Variants in PRKD1 observed in about 807,000 individuals in gnomAD.
The protein encoded by PRKD1 is protein kinase D1, also known as serine/threonine-protein kinase D1.
PRKD1 carries 63 observed loss-of-function variants against 95.9 expected under a neutral mutation model. The ratio of observed to expected loss-of-function variants is 0.66; its 90% CI spans 0.54 to 0.81. The LOEUF (loss-of-function observed/expected upper bound fraction) is 0.81. PRKD1 is among the 30% of genes least tolerant of loss of function. The probability of loss-of-function intolerance (pLI) is 0.00; values close to 1 mark genes in which losing one functional copy is unlikely to be tolerated. For missense variants in PRKD1, 1,048 were observed against 1,165.3 expected (o/e 0.90, Z 1.47); for synonymous variants, 425 against 423.1 (o/e 1.00, Z -0.05).
At chr14:29,913,950 T>A (rs8012958) in intron 1 of PRKD1, among the ~76,000 whole-genome samples, 2 of 152,174 alleles carry the variant, frequency 1.3e-5, no homozygotes, top group East Asian at 1.9e-4. Context: ...AAAAGAGAAG[T>A]CTCTATGTAA....
At chr14:29,758,855 T>C (rs1887835061) in intron 1 of PRKD1, among the ~76,000 whole-genome samples, 2 of 152,216 alleles carry the variant, frequency 1.3e-5, no homozygotes, top group African/African-American at 4.8e-5. Context: ...CCTCAGTCTA[T>C]CACACTTCAA....
chr14:29,864,601 C>A (rs1022454716), intron 1 of PRKD1, among the ~76,000 whole-genome samples: 1 of 152,100 alleles, frequency 6.6e-6, no homozygotes, highest in African/African-American at 2.4e-5. Context: ...AATAGACATT[C>A]TAAATGTTCC....
intron 1 of PRKD1, among the ~76,000 whole-genome samples, chr14:29,821,744 C>T (rs1890920455): frequency 6.6e-6 from 1 of 152,062 alleles, no homozygotes; most frequent in Non-Finnish European, 1.5e-5. Flanking sequence ...CATAATAAAC[C>T]ATTGTTAAAA....
chr14:29,776,687 T>A (rs1888773604), intron 1 of PRKD1, among the ~76,000 whole-genome samples: 2 of 152,270 alleles, frequency 1.3e-5, no homozygotes, highest in Admixed American at 1.3e-4. Flanking sequence ...CTGAAAGTGA[T>A]GGGGAGAATG....
At chr14:29,817,774 C>A (rs990696525) in intron 1 of PRKD1, among the ~76,000 whole-genome samples, 22 of 152,158 alleles carry the variant, frequency 1.4e-4, no homozygotes, top group African/African-American at 5.3e-4. Context: ...CCACTGCTTC[C>A]CTAATTCTTC....
chr14:29,826,710 C>CATATATATACACATATATATACAT (rs1566622454), intron 1 of PRKD1, among the ~76,000 whole-genome samples: 3 of 67,758 alleles, frequency 4.4e-5, no homozygotes, highest in African/African-American at 1.2e-4. Flanking sequence ...CATATATACA[C>CATATATATACACATATATATACAT]ATATATATAT....
intron 2 of PRKD1, among the ~76,000 whole-genome samples, chr14:29,695,590 G>A (rs1045588284): frequency 6.6e-6 from 1 of 152,254 alleles, no homozygotes; most frequent in Non-Finnish European, 1.5e-5. Context: ...GAGATGGGAA[G>A]AGCCTAAGAG....
At chr14:29,867,112 C>T (rs1340574785) in intron 1 of PRKD1, among the ~76,000 whole-genome samples, 1 of 152,136 alleles carries the variant, frequency 6.6e-6, no homozygotes, top group Non-Finnish European at 1.5e-5. Flanking sequence ...TATACCTGCT[C>T]CTCAATTGGA....
At chr14:29,808,148 G>A (rs1890317525) in intron 1 of PRKD1, among the ~76,000 whole-genome samples, 1 of 152,056 alleles carries the variant, frequency 6.6e-6, no homozygotes, top group Non-Finnish European at 1.5e-5. Flanking sequence ...TTTCAAAATT[G>A]GAGTCAATCC....
At chr14:29,754,285 T>G (rs1358882385) in intron 1 of PRKD1, among the ~76,000 whole-genome samples, 1 of 152,204 alleles carries the variant, frequency 6.6e-6, no homozygotes, top group African/African-American at 2.4e-5. Context: ...TTTAATCACA[T>G]GCTTATTAGT....
chr14:29,914,153 A>G (rs1469184212), intron 1 of PRKD1, among the ~76,000 whole-genome samples: 1 of 152,222 alleles, frequency 6.6e-6, no homozygotes, highest in Non-Finnish European at 1.5e-5. Context: ...ACTTACATCT[A>G]CATTTTTGTA....
rs147093046 is a variant in PRKD1 at position 29,695,799 on chromosome 14, C to A, written c.404-29591G>T. On this transcript the variant is annotated intron_variant, in intron 2 of 17. Transcript: ENST00000331968. The stretch of plus-strand genomic sequence containing the variant: ...TATCAGAAAAGAGGAAGAGTGCCAG[C>A]CAAGGCAAACTGGAAAGTGCTATTG... 4.6e-3 allele frequency among the ~76,000 whole-genome samples: 702 copies of A among 152,026 alleles called. 3 individuals carry two copies. The highest frequency in any genetic ancestry group is 0.02 in the Middle Eastern group (6 of 294).
intron 1 of PRKD1, among the ~76,000 whole-genome samples, chr14:29,762,836 T>G (rs374747627): frequency 6.6e-6 from 1 of 152,160 alleles, no homozygotes; most frequent in Non-Finnish European, 1.5e-5. Context: ...CTCCACCTCC[T>G]GGGTTCCAGC....
chr14:29,739,258 A>C (rs933112496), intron 1 of PRKD1, among the ~76,000 whole-genome samples: 1 of 152,202 alleles, frequency 6.6e-6, no homozygotes, highest in Non-Finnish European at 1.5e-5. Flanking sequence ...CTGTATTGAC[A>C]AAATAACTTC....
intron 16 of PRKD1, among the ~76,000 whole-genome samples, chr14:29,582,943 T>C (rs1050222208): frequency 7.9e-5 from 12 of 152,088 alleles, no homozygotes; most frequent in African/African-American, 2.9e-4. Flanking sequence ...AAAGGGAACA[T>C]GGTCTGGCTG....
chr14:29,671,082 A>T (rs750397572), intron 2 of PRKD1, among the ~76,000 whole-genome samples: 1 of 152,176 alleles, frequency 6.6e-6, no homozygotes, highest in Non-Finnish European at 1.5e-5. Flanking sequence ...GAGAGAAAAA[A>T]AAATGTATTT....
intron 1 of PRKD1, among the ~76,000 whole-genome samples, chr14:29,833,831 T>C (rs532795176): frequency 6.6e-6 from 1 of 151,974 alleles, no homozygotes; most frequent in African/African-American, 2.4e-5. Flanking sequence ...AAGCAATCCC[T>C]TTTACTCCTC....
chr14:29,851,021 G>A (rs1208497765), intron 1 of PRKD1, among the ~76,000 whole-genome samples: 2 of 152,114 alleles, frequency 1.3e-5, no homozygotes, highest in African/African-American at 4.8e-5. Context: ...TTCAATAAAT[G>A]GTGGTGGCAT....
At chr14:29,753,230 T>C (rs1387653180) in intron 1 of PRKD1, among the ~76,000 whole-genome samples, 1 of 152,138 alleles carries the variant, frequency 6.6e-6, no homozygotes, top group Non-Finnish European at 1.5e-5. Context: ...GAAAGAAATT[T>C]CTGCTTGTAA....
Sources: gnomAD v4.1 joint callset for allele counts (sites outside exome capture counted in the v4.1 genomes callset) on GRCh38, gnomAD v4.1.1 for gene constraint, MANE v1.5 for transcripts, NCBI Gene and HGNC (gene_info 2026-07-23, HGNC 2026-07-21) for gene names.